Variants in EYS observed in about 807,000 individuals in gnomAD.
The protein encoded by EYS is protein eyes shut homolog.
EYS carries 250 observed loss-of-function variants against 282.1 expected under a neutral mutation model. That is an observed-to-expected ratio of 0.89 (90% confidence interval 0.80 to 0.98). The LOEUF is 0.98. Among genes scored for constraint, EYS ranks in the 50% least tolerant of loss-of-function variants. The pLI is 0.00. For synonymous variants in EYS, 1,355 were observed against 1,282.9 expected (o/e 1.06, Z -1.20); for missense variants, 4,016 against 3,709.0 (o/e 1.08, Z -2.15).
At chr6:64,665,720 G>C (rs535340996) in intron 22 of EYS, among the ~76,000 whole-genome samples, 1 of 152,002 alleles carries the variant, frequency 6.6e-6, no homozygotes, top group African/African-American at 2.4e-5. Flanking sequence ...ACCCCCTCCC[G>C]CTTTTCTTTT....
At chr6:65,616,715 G>T (rs12213513) in intron 2 of EYS, among the ~76,000 whole-genome samples, 1 of 151,534 alleles carries the variant, frequency 6.6e-6, no homozygotes, top group Non-Finnish European at 1.5e-5. Flanking sequence ...GAACCCGGGA[G>T]GTCAAGGTTG....
intron 1 of EYS, among the ~76,000 whole-genome samples, chr6:65,664,525 G>A (rs1012324193): frequency 2.0e-5 from 3 of 152,136 alleles, no homozygotes; most frequent in African/African-American, 7.2e-5. Flanking sequence ...GTCTAGAGGA[G>A]TCAGAGGGAA....
At chr6:63,733,447 C>A (rs1768830827) in intron 41 of EYS, among the ~76,000 whole-genome samples, 1 of 152,034 alleles carries the variant, frequency 6.6e-6, no homozygotes, top group Non-Finnish European at 1.5e-5. Context: ...CCCTCCCTAC[C>A]CCCTCTAGTA....
At chr6:64,660,354 C>A (rs1302656292) in intron 22 of EYS, among the ~76,000 whole-genome samples, 1 of 151,796 alleles carries the variant, frequency 6.6e-6, no homozygotes, top group Non-Finnish European at 1.5e-5. Flanking sequence ...TCTCACCACT[C>A]CTATTCAACA....
chr6:64,818,256 A>AT (rs776982465), intron 21 of EYS, among the ~76,000 whole-genome samples: 2 of 151,776 alleles, frequency 1.3e-5, no homozygotes, highest in Admixed American at 6.6e-5. Context: ...CTTAAATTAC[A>AT]TTTTTTTCAC....
chr6:64,958,513 C>T (rs1049752079), intron 14 of EYS, among the ~76,000 whole-genome samples: 13 of 151,582 alleles, frequency 8.6e-5, no homozygotes, highest in South Asian at 2.1e-4. Context: ...TTTGGGAGGC[C>T]GAGGCGGGTG....
At chr6:64,880,934 G>A (rs1433685979) in intron 19 of EYS, among the ~76,000 whole-genome samples, 6 of 150,970 alleles carry the variant, frequency 4.0e-5, no homozygotes, top group Non-Finnish European at 7.4e-5. Context: ...TAAAATAAAT[G>A]TGAATAAATT....
intron 41 of EYS, among the ~76,000 whole-genome samples, chr6:63,756,418 T>C (rs1334262704): frequency 3.9e-5 from 6 of 152,212 alleles, no homozygotes; most frequent in African/African-American, 1.2e-4. Flanking sequence ...GTTTATGTGA[T>C]GGTTTACGTT....
chr6:65,125,025 TAGCAGGAA>T (rs937558532), intron 12 of EYS, among the ~76,000 whole-genome samples: 1 of 152,218 alleles, frequency 6.6e-6, no homozygotes, highest in Non-Finnish European at 1.5e-5. Flanking sequence ...TCACTGCTAG[TAGCAGGAA>T]AGCTTTAACA....
At chr6:64,079,921 G>A (rs1771904583) in intron 32 of EYS, among the ~76,000 whole-genome samples, 2 of 152,150 alleles carry the variant, frequency 1.3e-5, no homozygotes, top group Admixed American at 1.3e-4. Context: ...TGGCTGCATA[G>A]TGTTCCATGG....
chr6:64,153,161 G>A (rs1774797933), intron 31 of EYS, among the ~76,000 whole-genome samples: 1 of 152,126 alleles, frequency 6.6e-6, no homozygotes, highest in Non-Finnish European at 1.5e-5. Context: ...TTGGGGGTTG[G>A]AGTTATTATC....
At chr6:63,827,382 C>A (rs1771498673) in intron 36 of EYS, among the ~76,000 whole-genome samples, 1 of 152,136 alleles carries the variant, frequency 6.6e-6, no homozygotes. Context: ...AGAAAGTCAA[C>A]AAACAATGGA....
intron 12 of EYS, among the ~76,000 whole-genome samples, chr6:65,286,963 G>A (rs145725421): frequency 5.3e-5 from 8 of 151,428 alleles, no homozygotes; most frequent in African/African-American, 1.9e-4. Context: ...ATTAAATTAC[G>A]TAAAGCCGGG....
At chr6:65,628,812 T>A (rs546514434) in intron 2 of EYS, among the ~76,000 whole-genome samples, 1 of 152,076 alleles carries the variant, frequency 6.6e-6, no homozygotes. Context: ...ACCGCGAGGG[T>A]CCGCGGCTTC....
intron 31 of EYS, among the ~76,000 whole-genome samples, chr6:64,097,545 T>A (rs1257086972): frequency 1.3e-5 from 2 of 152,172 alleles, no homozygotes; most frequent in Non-Finnish European, 2.9e-5. Flanking sequence ...TGTAGGACCC[T>A]GCAAGCCAAG....
At chr6:64,311,007 G>GGTGA (rs1769677160) in intron 29 of EYS, among the ~76,000 whole-genome samples, 1 of 151,926 alleles carries the variant, frequency 6.6e-6, no homozygotes, top group East Asian at 1.9e-4. Flanking sequence ...ATAGTTGATA[G>GGTGA]TAGATACTGT....
intron 41 of EYS, among the ~76,000 whole-genome samples, chr6:63,738,267 G>T (rs988119950): frequency 3.9e-5 from 6 of 152,058 alleles, no homozygotes; most frequent in African/African-American, 1.2e-4. Context: ...AAATCATGCT[G>T]CTGTAAAGAC....
intron 1 of EYS, among the ~76,000 whole-genome samples, chr6:65,644,719 A>G (rs893766150): frequency 6.6e-6 from 1 of 152,236 alleles, no homozygotes; most frequent in Admixed American, 6.5e-5. Flanking sequence ...CAGATTTCTC[A>G]GCAGAAATCC....
chr6:64,715,376 A>G (rs1771354261), intron 22 of EYS, among the ~76,000 whole-genome samples: 1 of 152,174 alleles, frequency 6.6e-6, no homozygotes, highest in African/African-American at 2.4e-5. Context: ...CATGATGGAA[A>G]TGGAAGCAGG....
Sources: gnomAD v4.1 joint callset for allele counts (sites outside exome capture counted in the v4.1 genomes callset) on GRCh38, gnomAD v4.1.1 for gene constraint, MANE v1.5 for transcripts, NCBI Gene and HGNC (gene_info 2026-07-23, HGNC 2026-07-21) for gene names.